Variants in COL15A1 observed in about 807,000 individuals in gnomAD.
COL15A1 encodes the protein collagen alpha-1(XV) chain.
A neutral mutation model predicts 165.9 loss-of-function variants in COL15A1; 111 were observed. That is an observed-to-expected ratio of 0.67 (90% confidence interval 0.57 to 0.78). The LOEUF is 0.78. Among genes scored for constraint, COL15A1 ranks in the 30% least tolerant of loss-of-function variants. COL15A1 has a pLI of 0.00. For synonymous variants in COL15A1, 659 were observed against 674.8 expected (o/e 0.98, Z 0.36); for missense variants, 1,745 against 1,789.7 (o/e 0.98, Z 0.45).
At chr9:98,953,978 T>C (rs1436942098) in intron 2 of COL15A1, among the ~76,000 whole-genome samples, 2 of 152,256 alleles carry the variant, frequency 1.3e-5, no homozygotes, top group Non-Finnish European at 2.9e-5. Context: ...CCAGGCACTC[T>C]CTGGAGTAGG....
At chr9:99,024,635 A>G (rs1426648213) in intron 14 of COL15A1, among the ~76,000 whole-genome samples, 1 of 152,142 alleles carries the variant, frequency 6.6e-6, no homozygotes, top group East Asian at 1.9e-4. Flanking sequence ...AGAAAACACG[A>G]TATGATGGGC....
chr9:99,002,118 CCT>C (rs1288111046), intron 7 of COL15A1, among the ~76,000 whole-genome samples: 2 of 141,874 alleles, frequency 1.4e-5, no homozygotes, highest in African/African-American at 5.4e-5. Context: ...CTCCTTCCCT[CCT>C]CTCTCCTTTT....
intron 11 of COL15A1, among the ~76,000 whole-genome samples, chr9:99,016,963 C>T (rs979240394): frequency 2.6e-5 from 4 of 152,214 alleles, no homozygotes; most frequent in Admixed American, 2.6e-4. Flanking sequence ...GTCCTGAATG[C>T]CCCTTGCTCC....
Position 99,035,252 on chromosome 9 carries a change from C to T in COL15A1, c.2220+98C>T, listed in dbSNP as rs76112333. On this transcript the variant is annotated intron_variant, in intron 18 of 41. Transcript: ENST00000375001. ...CCCTGGTCTCAGGGCAGAGGCTGTGCGGATTCCCCTGTGAGCCGCCAGCTT... is the reference window on the plus strand; with the variant it reads ...CCCTGGTCTCAGGGCAGAGGCTGTGTGGATTCCCCTGTGAGCCGCCAGCTT... 884 of 1,591,510 alleles carry T rather than the reference C, an allele frequency of 5.6e-4. 1 individual carries two copies. Among genetic ancestry groups the T allele is most frequent in the African/African-American group, 4.5e-3 (337 of 74,538 alleles).
chr9:98,985,989 C>T lies in COL15A1; in HGVS notation c.525C>T (p.Leu175=). Residue 175 remains leucine (L), a synonymous_variant, in exon 3 of 42, where the codon CTC becomes CTT. Transcript: ENST00000375001. ...TTGTCCAGGGTGAGGAAGTGACCCT[C>T]CTCGTGAACTGTGAGGAGCACAGCC... ...AMIVQGEEVT[L]LVNCEEHSRI... is the part of the protein sequence containing the mutation. 6.8e-6 allele frequency: 11 copies of T among 1,614,174 alleles called. No individual in the cohort carries two copies. Among genetic ancestry groups the T allele is most frequent in the African/African-American group, 1.3e-5 (1 of 75,056 alleles).
intron 15 of COL15A1, 44 bp downstream of exon 15, chr9:99,025,043 T>C: frequency 6.3e-7 from 1 of 1,593,910 alleles, no homozygotes; most frequent in Non-Finnish European, 8.6e-7. Flanking sequence ...GCTGTGGGGC[T>C]TCCTTTAGCA....
intron 15 of COL15A1, 68 bp downstream of exon 15, chr9:99,025,067 C>A (rs771709089): frequency 2.6e-5 from 39 of 1,473,836 alleles, no homozygotes; most frequent in Non-Finnish European, 3.3e-5. Context: ...GAGGGGTGTA[C>A]AGATTGCAAA....
At chr9:98,972,845 C>T (rs1170176318) in intron 2 of COL15A1, among the ~76,000 whole-genome samples, 4 of 152,186 alleles carry the variant, frequency 2.6e-5, no homozygotes, top group Non-Finnish European at 4.4e-5. Context: ...CAGAAGTATG[C>T]AGCTGGGCCT....
At chr9:99,004,609 TAGG>T (rs1838723498) in intron 8 of COL15A1, among the ~76,000 whole-genome samples, 1 of 152,158 alleles carries the variant, frequency 6.6e-6, no homozygotes, top group African/African-American at 2.4e-5. Context: ...ACTCTCTGAT[TAGG>T]GGACACAGCT....
chr9:99,018,726 T>C (rs1175013376), intron 11 of COL15A1, among the ~76,000 whole-genome samples: 2 of 152,194 alleles, frequency 1.3e-5, no homozygotes, highest in East Asian at 1.9e-4. Flanking sequence ...ATGGGGGAAA[T>C]GCTTAGCATA....
In COL15A1 at chr9:99,042,056, A is replaced by G. The variant is rs1252769630; in HGVS notation, c.2523A>G (p.Gly841=). 1.2e-6 allele frequency: 2 copies of G among 1,610,894 alleles called. No homozygotes were observed. The highest frequency in any genetic ancestry group is 2.7e-5 in the African/African-American group (2 of 74,858). Residue 841 remains glycine (G), a synonymous_variant, in exon 24 of 42, where the codon GGA becomes GGG. Coordinates refer to ENST00000375001, the MANE Select transcript of COL15A1 (RefSeq NM_001855.5). ...ACAATTCCTTCCAGGGTCCTAGAGG[A>G]CCAAAAGGTGACACTGGTTTACCTG... ...PGLPGFPGPR[G]PKGDTGLPGF...
At chr9:98,969,728 T>A (rs960675850) in intron 2 of COL15A1, among the ~76,000 whole-genome samples, 2 of 151,900 alleles carry the variant, frequency 1.3e-5, no homozygotes, top group African/African-American at 4.8e-5. Flanking sequence ...CTTCCTGGAG[T>A]GGGTCAGGCT....
At chr9:99,033,932 G>A (rs766004671) in intron 16 of COL15A1, among the ~76,000 whole-genome samples, 7 of 151,992 alleles carry the variant, frequency 4.6e-5, no homozygotes, top group Non-Finnish European at 1.0e-4. Flanking sequence ...CCTCTGCTTG[G>A]AGCTCACAGC....
chr9:99,006,212 A>G lies in COL15A1; in HGVS notation c.1353+1162A>G, dbSNP rs551933050. On this transcript the variant is annotated intron_variant, in intron 9 of 41. Coordinates refer to ENST00000375001, the MANE Select transcript of COL15A1 (RefSeq NM_001855.5). ...TGAACTCTCCCCATTCTTGTCCTCAAAAGGCCTCATCATCATTGTAGTTGA... is the reference window on the plus strand; with the variant it reads ...TGAACTCTCCCCATTCTTGTCCTCAGAAGGCCTCATCATCATTGTAGTTGA... Among the ~76,000 whole-genome samples, 31 of 152,344 alleles carry G rather than the reference A, an allele frequency of 2.0e-4. No individual in the cohort carries two copies. The South Asian group carries it at 5.6e-3, about 27-fold the overall frequency.
At chr9:98,953,611 T>C (rs563804542) in intron 2 of COL15A1, among the ~76,000 whole-genome samples, 2 of 152,290 alleles carry the variant, frequency 1.3e-5, no homozygotes, top group South Asian at 4.2e-4. Context: ...ATGGGTGGTT[T>C]AAAGGACAGA....
chr9:99,038,124 C>T lies in COL15A1; in HGVS notation c.2410-544C>T, dbSNP rs75825256. On this transcript the variant is annotated intron_variant, in intron 21 of 41. Transcript: ENST00000375001. Reference sequence around the variant, plus strand: ...CTAAAGTTAGAAGAAAAAAAAAACACGATTTTTAAAAATCAAATATGTGTA... The same window carrying T: ...CTAAAGTTAGAAGAAAAAAAAAACATGATTTTTAAAAATCAAATATGTGTA... Among the ~76,000 whole-genome samples, 1,341 of 151,274 alleles carry T rather than the reference C, an allele frequency of 8.9e-3. 24 individuals carry two copies. The highest frequency in any genetic ancestry group is 0.03 in the African/African-American group (1,227 of 41,094).
At chr9:99,022,810 C>G (rs531562876) in intron 13 of COL15A1, among the ~76,000 whole-genome samples, 1 of 152,198 alleles carries the variant, frequency 6.6e-6, no homozygotes, top group African/African-American at 2.4e-5. Context: ...TGAAGATTCC[C>G]CTTGTTCTTC....
intron 24 of COL15A1, among the ~76,000 whole-genome samples, chr9:99,042,512 G>C (rs1839425377): frequency 8.6e-6 from 1 of 116,320 alleles, no homozygotes; most frequent in Non-Finnish European, 2.0e-5. Context: ...CTAACCACCT[G>C]CTGGGCATCC....
Position 99,032,248 on chromosome 9 carries a change from A to G in COL15A1, c.2044-2301A>G, listed in dbSNP as rs189205109. The stretch of plus-strand genomic sequence containing the variant: ...ATTATTTTTTGAGATGGAGTCACGC[A>G]GTGGTGCGATCTTGGCTCACTGCAA... On this transcript the variant is annotated intron_variant, in intron 16 of 41. Coordinates refer to ENST00000375001, the MANE Select transcript of COL15A1 (RefSeq NM_001855.5). Among the ~76,000 whole-genome samples the G allele has an allele frequency of 4.6e-5, 7 of 152,104 alleles. No individual in the cohort carries two copies. In the East Asian group the frequency reaches 1.2e-3, roughly 25 times the overall value.
Sources: allele counts gnomAD v4.1 joint callset (sites outside exome capture counted in the v4.1 genomes callset), GRCh38; gene constraint gnomAD v4.1.1; transcripts MANE v1.5; gene names NCBI Gene and HGNC (gene_info 2026-07-23, HGNC 2026-07-21).